MTDH: variants seen among roughly 807,000 people sequenced by gnomAD.
MTDH encodes metadherin, also known as protein LYRIC.
A neutral mutation model predicts 72.7 loss-of-function variants in MTDH; 34 were observed. The ratio of observed to expected loss-of-function variants is 0.47; its 90% confidence interval spans 0.36 to 0.62. The LOEUF (loss-of-function observed/expected upper bound fraction) is 0.62, where lower values mean the gene tolerates loss of function less well. Ranked by LOEUF, MTDH falls within the 20% of genes least tolerant of loss-of-function variation. The pLI is 0.00. For missense variants in MTDH, 677 were observed against 699.4 expected (o/e 0.97, Z 0.36); for synonymous variants, 266 against 268.9 (o/e 0.99, Z 0.10).
intron 2 of MTDH, among the ~76,000 whole-genome samples, chr8:97,685,508 G>A (rs1813323682): frequency 6.6e-6 from 1 of 151,946 alleles, no homozygotes; most frequent in Non-Finnish European, 1.5e-5. Context: ...TTAAGATAGT[G>A]TGCAGTACTT....
chr8:97,686,235 G>A (rs192767817), intron 2 of MTDH, among the ~76,000 whole-genome samples: 39 of 152,206 alleles, frequency 2.6e-4, no homozygotes, highest in African/African-American at 7.9e-4. Flanking sequence ...TGAAAACACC[G>A]TATTACAGTA....
At chr8:97,667,413 C>T (rs1337524624) in intron 2 of MTDH, among the ~76,000 whole-genome samples, 1 of 152,132 alleles carries the variant, frequency 6.6e-6, no homozygotes, top group Non-Finnish European at 1.5e-5. Flanking sequence ...GCTTTTTAAT[C>T]TGTGTGATGA....
Position 97,730,151 on chromosome 8 carries a change from G to C in MTDH, c.*5481G>C, listed in dbSNP as rs1403859550. On this transcript the variant is annotated 3_prime_UTR_variant, in exon 12 of 12. Transcript: ENST00000336273. ...TCCCATGATAGTGGCATTCTTATTT[G>C]TATATATGTGCTTTCCTTTTTTATT... is the stretch of plus-strand genomic sequence containing the variant. Among the ~76,000 whole-genome samples the C allele has an allele frequency of 6.6e-6, 1 of 152,128 alleles. No individual in the cohort carries two copies. Among genetic ancestry groups the C allele is most frequent in the Non-Finnish European group, 1.5e-5 (1 of 68,012 alleles).
At chr8:97,647,151 G>T (rs942283375) in intron 1 of MTDH, among the ~76,000 whole-genome samples, 4 of 152,292 alleles carry the variant, frequency 2.6e-5, no homozygotes, top group Admixed American at 1.3e-4. Flanking sequence ...ATTGAAGGCG[G>T]TGAAAAGGCA....
intron 1 of MTDH, among the ~76,000 whole-genome samples, chr8:97,650,535 A>G (rs1811730792): frequency 6.6e-6 from 1 of 152,092 alleles, no homozygotes; most frequent in South Asian, 2.1e-4. Flanking sequence ...TAGGCCTCCC[A>G]AAGTGCTGGA....
At chr8:97,664,846 C>G (rs990594008) in intron 2 of MTDH, among the ~76,000 whole-genome samples, 1 of 152,042 alleles carries the variant, frequency 6.6e-6, no homozygotes, top group Admixed American at 6.6e-5. Context: ...ACTGCAACCT[C>G]CGCCTCCCAG....
chr8:97,697,146 A>ATT (rs1317264159), intron 6 of MTDH, among the ~76,000 whole-genome samples: 1 of 68,940 alleles, frequency 1.5e-5, no homozygotes, highest in African/African-American at 1.4e-4. Flanking sequence ...ATATATATAT[A>ATT]TATATTTTTT....
chr8:97,645,003 A>T, intron 1 of MTDH, 116 bp downstream of exon 1: 5 of 1,215,438 alleles, frequency 4.1e-6, no homozygotes, highest in Non-Finnish European at 5.5e-6. Context: ...TCGAAAGCCG[A>T]GAGGCAGCAC....
intron 8 of MTDH, among the ~76,000 whole-genome samples, chr8:97,712,675 C>A (rs74569068): frequency 0.031 from 4,794 of 152,234 alleles, 275 homozygotes; most frequent in African/African-American, 0.11. Flanking sequence ...TTTCTGTATC[C>A]TCACCTAAAT....
At chr8:97,679,483 G>A (rs1173895124) in intron 2 of MTDH, among the ~76,000 whole-genome samples, 1 of 152,134 alleles carries the variant, frequency 6.6e-6, no homozygotes, top group Non-Finnish European at 1.5e-5. Context: ...CATAGTTGGA[G>A]AATTAGGTTG....
rs1321647729 is a variant in MTDH at position 97,660,889 on chromosome 8, A to ATG, written c.382-182_382-181insGT. Among the ~76,000 whole-genome samples the ATG allele has an allele frequency of 2.8e-5, 4 of 140,790 alleles. No individual in the cohort carries two copies. In the South Asian group the frequency reaches 7.0e-4, roughly 24 times the overall value. The allele number at this position is 140,790 out of a possible 152,430, so 92.4% of individuals were successfully genotyped here. A position where few individuals can be genotyped will look rare whatever the true frequency, so the allele number is the denominator to read the frequency against. ...AGAATTTTGCTTATGAATTTTATATATATATATATATAAACACTAGGGATA... is the reference window on the plus strand; with the variant it reads ...AGAATTTTGCTTATGAATTTTATATATGTATATATATATAAACACTAGGGATA... On this transcript the variant is annotated intron_variant, in intron 1 of 11. Coordinates refer to ENST00000336273, the MANE Select transcript of MTDH (RefSeq NM_178812.4).
Position 97,706,712 on chromosome 8 carries a change from C to T in MTDH, c.1234C>T (p.Leu412Phe), listed in dbSNP as rs755272408. The change falls in exon 8 of 12, where the codon CTT (leucine) becomes TTT (phenylalanine). Residue 412 changes from leucine (L) to phenylalanine (F), a missense_variant. Leu to Phe is a conservative substitution (Grantham distance 22). This residue lies in a region of MTDH where 201 missense variants were observed against 204.5 expected (regional missense o/e 0.98). Coordinates refer to ENST00000336273, the MANE Select transcript of MTDH (RefSeq NM_178812.4). Reference sequence around the variant, plus strand: ...TTGGGTAGACGAAGAAAGAGCTTCACTTCTAAAGTCCCAGGAACCAATTCC... The same window carrying T: ...TTGGGTAGACGAAGAAAGAGCTTCATTTCTAAAGTCCCAGGAACCAATTCC... ...GNWVDEERAS[L>F]LKSQEPIPDD... 2 of 1,613,882 alleles carry T rather than the reference C, an allele frequency of 1.2e-6. No individual in the cohort carries two copies. The highest frequency in any genetic ancestry group is 1.1e-5 in the South Asian group (1 of 91,032).
At chr8:97,684,578 A>G (rs931702079) in intron 2 of MTDH, among the ~76,000 whole-genome samples, 3 of 152,228 alleles carry the variant, frequency 2.0e-5, no homozygotes, top group Non-Finnish European at 4.4e-5. Flanking sequence ...TGCAAAGCCT[A>G]ACATATTTAC....
At chr8:97,660,724 A>G (rs745944926) in intron 1 of MTDH, among the ~76,000 whole-genome samples, 2 of 152,134 alleles carry the variant, frequency 1.3e-5, no homozygotes, top group East Asian at 1.9e-4. Context: ...CTCGGAGACA[A>G]TGAGTGAAAT....
chr8:97,710,050 C>T (rs920762169), intron 8 of MTDH, among the ~76,000 whole-genome samples: 1 of 152,144 alleles, frequency 6.6e-6, no homozygotes. Flanking sequence ...ATTCATATGG[C>T]ATTTTAATCA....
In MTDH at chr8:97,644,206, G is replaced by A; in HGVS notation, c.-301G>A. Reference sequence around the variant, plus strand: ...CCCAAGCCGCCATTGTTCCGCCGAGGGAGGACAGCGGGGCCTGGCGCTGGC... The same window carrying A: ...CCCAAGCCGCCATTGTTCCGCCGAGAGAGGACAGCGGGGCCTGGCGCTGGC... On this transcript the variant is annotated 5_prime_UTR_variant, in exon 1 of 12. Transcript: ENST00000336273. 2.4e-6 allele frequency: 1 copy of A among 422,066 alleles called. No homozygotes were observed. Among genetic ancestry groups the A allele is most frequent in the East Asian group, 4.6e-5 (1 of 21,926 alleles). 26.1% of individuals were successfully genotyped at this position (422,066 alleles called of 1,614,324 possible). A position where few individuals can be genotyped will look rare whatever the true frequency, so the allele number is the denominator to read the frequency against.
chr8:97,713,614 G>C lies in MTDH; in HGVS notation c.1273-48G>C, dbSNP rs763372803. ...TTTCATAATAATTTTCTAAATAATGGACACATAACCATTTGGTTCTCTTTA... is the reference window on the plus strand; with the variant it reads ...TTTCATAATAATTTTCTAAATAATGCACACATAACCATTTGGTTCTCTTTA... On this transcript the variant is annotated intron_variant, in intron 8 of 11. Transcript: ENST00000336273. 3.0e-6 allele frequency: 3 copies of C among 1,008,940 alleles called. No homozygotes were observed. The South Asian group carries it at 5.4e-5, about 18-fold the overall frequency. The allele number at this position is 1,008,940 out of a possible 1,614,324, so 62.5% of individuals were successfully genotyped here.
chr8:97,688,479 C>T (rs1586247697), intron 4 of MTDH, among the ~76,000 whole-genome samples: 1 of 152,126 alleles, frequency 6.6e-6, no homozygotes, highest in East Asian at 1.9e-4. Flanking sequence ...CTTGTGCATG[C>T]CATCCTTGCT....
At chr8:97,680,253 G>T (rs976679682) in intron 2 of MTDH, among the ~76,000 whole-genome samples, 1 of 151,954 alleles carries the variant, frequency 6.6e-6, no homozygotes. Context: ...TTTATTTTTT[G>T]TAGAGACACA....
Sources: allele counts gnomAD v4.1 joint callset (sites outside exome capture counted in the v4.1 genomes callset), GRCh38; gene constraint gnomAD v4.1.1; regional missense constraint gnomAD v4.1.1; transcripts MANE v1.5; gene names NCBI Gene and HGNC (gene_info 2026-07-23, HGNC 2026-07-21).